The following STK39 variants were observed in gnomAD, a reference collection of about 807,000 sequenced individuals.
STK39 encodes serine/threonine kinase 39.
Under a neutral mutation model 77.8 loss-of-function variants are expected in STK39, and 20 were observed. The ratio of observed to expected loss-of-function variants is 0.26; its 90% CI spans 0.18 to 0.37. STK39 has a LOEUF of 0.37. Among genes scored for constraint, STK39 ranks in the 10% least tolerant of loss-of-function variants. The pLI, the probability that STK39 is intolerant of heterozygous loss-of-function variation, is 1.00. For missense variants in STK39, 479 were observed against 656.5 expected (o/e 0.73, Z 2.95); for synonymous variants, 246 against 234.1 (o/e 1.05, Z -0.47).
At chr2:168,041,111 C>T (rs1013373402) in intron 14 of STK39, among the ~76,000 whole-genome samples, 1 of 152,128 alleles carries the variant, frequency 6.6e-6, no homozygotes, top group Non-Finnish European at 1.5e-5. Context: ...GATCTGACCT[C>T]AGCAGGTGTG....
At chr2:168,103,113 G>C (rs1382778893) in intron 10 of STK39, among the ~76,000 whole-genome samples, 2 of 151,804 alleles carry the variant, frequency 1.3e-5, no homozygotes, top group East Asian at 1.9e-4. Flanking sequence ...CAAGTATACT[G>C]AACTTAATAT....
chr2:168,133,502 G>A (rs999213469), intron 8 of STK39, among the ~76,000 whole-genome samples: 1 of 152,072 alleles, frequency 6.6e-6, no homozygotes, highest in East Asian at 1.9e-4. Flanking sequence ...ATCACTTTGG[G>A]ATAAAATCCT....
At chr2:168,057,899 A>G (rs867434136) in intron 14 of STK39, among the ~76,000 whole-genome samples, 1 of 152,038 alleles carries the variant, frequency 6.6e-6, no homozygotes, top group African/African-American at 2.4e-5. Flanking sequence ...TATCTAACAG[A>G]TGTCTGGGGA....
intron 16 of STK39, among the ~76,000 whole-genome samples, chr2:167,981,042 C>A (rs1460357263): frequency 6.8e-6 from 1 of 147,892 alleles, no homozygotes; most frequent in Admixed American, 6.8e-5. Flanking sequence ...CTACGTTAGG[C>A]CACAGAGTAA....
chr2:167,963,282 A>G (rs777829458), intron 17 of STK39, among the ~76,000 whole-genome samples: 2 of 152,150 alleles, frequency 1.3e-5, no homozygotes, highest in African/African-American at 2.4e-5. Context: ...GTTTACCTAG[A>G]GATTGTACAG....
intron 10 of STK39, among the ~76,000 whole-genome samples, chr2:168,091,612 C>T (rs988937547): frequency 3.3e-5 from 5 of 152,134 alleles, no homozygotes; most frequent in South Asian, 2.1e-4. Flanking sequence ...GACACGCTGA[C>T]GTTGTGTGTC....
intron 1 of STK39, among the ~76,000 whole-genome samples, chr2:168,218,882 G>T (rs899082185): frequency 6.6e-6 from 1 of 151,732 alleles, no homozygotes; most frequent in Non-Finnish European, 1.5e-5. Context: ...CTAGTGGTAC[G>T]AACCGTGTTA....
intron 16 of STK39, among the ~76,000 whole-genome samples, chr2:167,974,767 T>G (rs868221437): frequency 1.3e-5 from 2 of 152,046 alleles, no homozygotes; most frequent in African/African-American, 4.8e-5. Flanking sequence ...TTTTAGGAGG[T>G]TCACAAAAGG....
chr2:168,238,580 A>C (rs10930316), intron 1 of STK39, among the ~76,000 whole-genome samples: 30,805 of 152,236 alleles, frequency 0.2, 3,974 homozygotes, highest in Non-Finnish European at 0.29. Context: ...TCAATGTCCA[A>C]GAAGTTTCTT....
chr2:168,177,566 T>C (rs1018122633), intron 2 of STK39, among the ~76,000 whole-genome samples: 3 of 152,106 alleles, frequency 2.0e-5, no homozygotes, highest in South Asian at 2.1e-4. Flanking sequence ...TTAGGGTAAA[T>C]AGAAGGAAGG....
rs982812138 is a variant in STK39 at position 167,959,436 on chromosome 2, G to GT, written c.1564-3867dup. Among the ~76,000 whole-genome samples, 124 of 148,244 alleles carry GT rather than the reference G, an allele frequency of 8.4e-4. No homozygotes were observed. In the East Asian group the frequency reaches 0.014, roughly 17 times the overall value. ...CACCGCGCCCGGCCATCAGCTTTTT[G>GT]TTTTTTTTTTTTTTAAGTGTCAGTC... On this transcript the variant is annotated intron_variant, in intron 17 of 17. Transcript: ENST00000355999.
At chr2:168,135,720 AT>A (rs1189381712) in intron 8 of STK39, among the ~76,000 whole-genome samples, 7 of 152,250 alleles carry the variant, frequency 4.6e-5, no homozygotes, top group Admixed American at 1.3e-4. Flanking sequence ...CATTGCATAG[AT>A]TTTTCCCCCC....
At chr2:168,048,503 C>CGCCTGGCCCG (rs1685307058) in intron 14 of STK39, among the ~76,000 whole-genome samples, 2 of 150,384 alleles carry the variant, frequency 1.3e-5, no homozygotes, top group Admixed American at 6.6e-5. Context: ...TGAGCCACCG[C>CGCCTGGCCCG]GCCCGGCCCG....
chr2:168,215,280 A>G (rs1689998133), intron 1 of STK39, among the ~76,000 whole-genome samples: 2 of 152,190 alleles, frequency 1.3e-5, no homozygotes, highest in South Asian at 2.1e-4. Flanking sequence ...ACATCCTCCA[A>G]ACTGAGGTTG....
intron 1 of STK39, among the ~76,000 whole-genome samples, chr2:168,194,066 A>G (rs1689411024): frequency 6.6e-6 from 1 of 152,246 alleles, no homozygotes; most frequent in Non-Finnish European, 1.5e-5. Flanking sequence ...CAGAAGGAGC[A>G]GATCCACTCC....
intron 16 of STK39, among the ~76,000 whole-genome samples, chr2:168,003,560 C>T (rs1172737055): frequency 6.6e-6 from 1 of 152,094 alleles, no homozygotes; most frequent in Non-Finnish European, 1.5e-5. Flanking sequence ...TTTTTGAAAA[C>T]AGAAACCCTA....
intron 15 of STK39, among the ~76,000 whole-genome samples, chr2:168,015,883 G>A (rs1684390357): frequency 6.6e-6 from 1 of 152,128 alleles, no homozygotes; most frequent in African/African-American, 2.4e-5. Flanking sequence ...GTCAAAGATG[G>A]ATACCTCCAG....
At chr2:168,099,345 C>T (rs932227612) in intron 10 of STK39, among the ~76,000 whole-genome samples, 3 of 152,216 alleles carry the variant, frequency 2.0e-5, no homozygotes, top group Admixed American at 6.5e-5. Context: ...AATCCAAACA[C>T]AAAAGGGGTT....
At chr2:168,205,854 A>G (rs1689727570) in intron 1 of STK39, among the ~76,000 whole-genome samples, 1 of 152,138 alleles carries the variant, frequency 6.6e-6, no homozygotes, top group South Asian at 2.1e-4. Context: ...AAATTATATC[A>G]ATTATAATAC....
Sources: allele counts gnomAD v4.1 joint callset (sites outside exome capture counted in the v4.1 genomes callset), GRCh38; gene constraint gnomAD v4.1.1; transcripts MANE v1.5; gene names NCBI Gene and HGNC (gene_info 2026-07-23, HGNC 2026-07-21).